Variants in TASP1 observed in about 807,000 individuals in gnomAD.
The protein encoded by TASP1 is threonine aspartase 1.
In TASP1, 16 loss-of-function variants were observed where a neutral mutation model predicts 56.6. The observed-to-expected ratio is 0.28, with a 90% CI of 0.19 to 0.43. TASP1 has a LOEUF of 0.43. Among genes scored for constraint, TASP1 ranks in the 20% least tolerant of loss-of-function variants. TASP1 has a pLI of 1.00. For missense variants in TASP1, 393 were observed against 511.6 expected, an observed-to-expected ratio of 0.77 and a Z score of 2.24; for synonymous variants, 179 against 184.2, an observed-to-expected ratio of 0.97 and a Z score of 0.23.
At chr20:13,481,365 C>T (rs1476141140) in intron 11 of TASP1, among the ~76,000 whole-genome samples, 1 of 152,042 alleles carries the variant, frequency 6.6e-6, no homozygotes, top group Non-Finnish European at 1.5e-5. Flanking sequence ...CTATTGTGAA[C>T]GCTGCCACAA....
At chr20:13,280,908 T>G in the TASP1 span, among the ~76,000 whole-genome samples, 1 of 152,242 alleles carries the variant, frequency 6.6e-6, no homozygotes, top group African/African-American at 2.4e-5. Flanking sequence ...GCACCCATCG[T>G]CATGATTTTC....
intron 12 of TASP1, among the ~76,000 whole-genome samples, chr20:13,419,942 T>A (rs553573633): frequency 1.6e-4 from 24 of 152,322 alleles, no homozygotes; most frequent in African/African-American, 4.8e-4. Flanking sequence ...AATCTTGACA[T>A]CCAGAGCAAG....
At chr20:13,630,828 C>A (rs2049061144) in intron 1 of TASP1, among the ~76,000 whole-genome samples, 1 of 151,912 alleles carries the variant, frequency 6.6e-6, no homozygotes, top group African/African-American at 2.4e-5. Flanking sequence ...GTGTTTATTA[C>A]CAGCCCACAA....
At chr20:13,387,777 C>T (rs539246736), downstream of TASP1, among the ~76,000 whole-genome samples, 1 of 152,202 alleles carries the variant, frequency 6.6e-6, no homozygotes, top group African/African-American at 2.4e-5. Context: ...TACATTGCCA[C>T]CAGCAGAGTA....
chr20:13,154,803 AGTTTGGCAGGGAC>A, the TASP1 span, among the ~76,000 whole-genome samples: 1 of 152,220 alleles, frequency 6.6e-6, no homozygotes, highest in Non-Finnish European at 1.5e-5. Context: ...ACTTTTTGTC[AGTTTGGCAGGGAC>A]AATTTTATAC....
chr20:13,401,229 T>G (rs1386492169), intron 13 of TASP1, among the ~76,000 whole-genome samples: 1 of 152,224 alleles, frequency 6.6e-6, no homozygotes, highest in African/African-American at 2.4e-5. Context: ...TGTAAAATTT[T>G]TCCATATAAT....
chr20:13,582,341 AATTTATAACTTATAACTTATAAATTGG>A, intron 5 of TASP1, among the ~76,000 whole-genome samples: 1 of 151,606 alleles, frequency 6.6e-6, no homozygotes, highest in African/African-American at 2.4e-5. Context: ...ATAACTTATA[AATTTATAACTTATAACTTATAAATTGG>A]ATTTATAAGT....
the TASP1 span, among the ~76,000 whole-genome samples, chr20:13,227,858 GTCTA>G: frequency 6.6e-6 from 1 of 151,402 alleles, no homozygotes; most frequent in Non-Finnish European, 1.5e-5. Context: ...TATTAATAAT[GTCTA>G]TCTTAGGAAT....
the TASP1 span, among the ~76,000 whole-genome samples, chr20:13,287,755 A>G: frequency 3.9e-5 from 6 of 152,350 alleles, no homozygotes; most frequent in Admixed American, 3.9e-4. Context: ...ATGTTGAATA[A>G]TGACCTTGAG....
the TASP1 span, among the ~76,000 whole-genome samples, chr20:13,378,384 T>C: frequency 3.3e-5 from 5 of 152,224 alleles, no homozygotes; most frequent in Non-Finnish European, 5.9e-5. Flanking sequence ...TTGTGCAGTT[T>C]TGAGTGAGTT....
chr20:13,382,507 A>T, the TASP1 span, among the ~76,000 whole-genome samples: 1 of 152,090 alleles, frequency 6.6e-6, no homozygotes, highest in Non-Finnish European at 1.5e-5. Context: ...TTATCTGGGT[A>T]TCATGGTGTA....
chr20:13,395,965 T>C (rs1280155815), intron 13 of TASP1, among the ~76,000 whole-genome samples: 1 of 151,962 alleles, frequency 6.6e-6, no homozygotes, highest in Non-Finnish European at 1.5e-5. Context: ...CCTCCCAAAG[T>C]GCTGATTACA....
the TASP1 span, chr20:13,368,816 C>T: frequency 6.6e-6 from 1 of 152,216 alleles, no homozygotes; most frequent in African/African-American, 2.4e-5. Context: ...TGCAGGATGG[C>T]TTGCAATGCA....
intron 8 of TASP1, among the ~76,000 whole-genome samples, chr20:13,538,834 G>A (rs1325799132): frequency 6.6e-6 from 1 of 152,084 alleles, no homozygotes; most frequent in Non-Finnish European, 1.5e-5. Flanking sequence ...CCTGAGGCCA[G>A]GAGTTCAAGA....
At chr20:13,415,596 C>A (rs1167986173) in intron 13 of TASP1, among the ~76,000 whole-genome samples, 2 of 152,040 alleles carry the variant, frequency 1.3e-5, no homozygotes, top group South Asian at 2.1e-4. Flanking sequence ...CAATTGACTA[C>A]CAGCTGGAGA....
the TASP1 span, among the ~76,000 whole-genome samples, chr20:13,371,948 T>G: frequency 6.6e-6 from 1 of 152,230 alleles, no homozygotes. Context: ...TTGTCTGATA[T>G]TTGTTTAGCC....
intron 11 of TASP1, among the ~76,000 whole-genome samples, chr20:13,472,077 C>T (rs937761925): frequency 6.6e-6 from 1 of 151,284 alleles, no homozygotes; most frequent in Non-Finnish European, 1.5e-5. Flanking sequence ...CATCACACTA[C>T]CTGACTTCAA....
the TASP1 span, among the ~76,000 whole-genome samples, chr20:13,206,607 C>T: frequency 6.6e-6 from 1 of 151,978 alleles, no homozygotes; most frequent in Non-Finnish European, 1.5e-5. Context: ...CATTCAAAAC[C>T]CAAGATTCCT....
intron 4 of TASP1, among the ~76,000 whole-genome samples, chr20:13,623,113 T>C (rs1210112361): frequency 1.3e-5 from 2 of 152,194 alleles, no homozygotes; most frequent in Non-Finnish European, 2.9e-5. Flanking sequence ...TTTTCTTTTA[T>C]TTTTAAACAA....
Sources: allele counts gnomAD v4.1 joint callset (sites outside exome capture counted in the v4.1 genomes callset), GRCh38; gene constraint gnomAD v4.1.1; transcripts MANE v1.5; gene names NCBI Gene and HGNC (gene_info 2026-07-23, HGNC 2026-07-21).